The following DST variants were observed in gnomAD, a reference collection of about 807,000 sequenced individuals.
DST encodes dystonin.
In DST, 253 loss-of-function variants were observed where a neutral mutation model predicts 875.2. That is an observed-to-expected ratio of 0.29 (90% CI 0.26 to 0.32). DST has a LOEUF of 0.32. Among genes scored for constraint, DST ranks in the 10% least tolerant of loss-of-function variants. The pLI, the probability that DST is intolerant of heterozygous loss-of-function variation, is 1.00. For synonymous variants in DST, 3,124 were observed against 3,197.1 expected (o/e 0.98, Z 0.77); for missense variants, 8,287 against 9,111.6 (o/e 0.91, Z 3.68).
intron 24 of DST, among the ~76,000 whole-genome samples, chr6:56,635,295 G>T (rs1249359253): frequency 1.3e-5 from 2 of 152,012 alleles, no homozygotes; most frequent in East Asian, 1.9e-4. Flanking sequence ...CTAAAACAGT[G>T]CCCAGGATAT....
At chr6:56,813,643 C>T (rs182124275) in intron 4 of DST, among the ~76,000 whole-genome samples, 6 of 152,198 alleles carry the variant, frequency 3.9e-5, no homozygotes, top group East Asian at 3.9e-4. Context: ...ATTTGAGATA[C>T]GCTTTTCAGA....
intron 10 of DST, among the ~76,000 whole-genome samples, chr6:56,666,583 T>C (rs2099073408): frequency 6.6e-6 from 1 of 152,110 alleles, no homozygotes; most frequent in African/African-American, 2.4e-5. Flanking sequence ...ATAATTTTTA[T>C]TGACAAAGCC....
intron 36 of DST, chr6:56,619,673 T>C: frequency 1.9e-6 from 3 of 1,613,956 alleles, no homozygotes; most frequent in Non-Finnish European, 8.5e-7. Context: ...TTGCATGGCT[T>C]CTTCAGCTTT....
chr6:56,765,644 T>G (rs561636292), intron 4 of DST, among the ~76,000 whole-genome samples: 1 of 152,166 alleles, frequency 6.6e-6, no homozygotes, highest in South Asian at 2.1e-4. Flanking sequence ...AGAACAGAGA[T>G]GTTAAGATGA....
At chr6:56,635,810 CAT>C (rs1227317058) in intron 23 of DST, 96 bp from the exon 24 acceptor site, 3 of 1,298,624 alleles carry the variant, frequency 2.3e-6, no homozygotes, top group African/African-American at 2.9e-5. Context: ...GTGTACCCCT[CAT>C]AAGTGAGAAG....
intron 50 of DST, among the ~76,000 whole-genome samples, chr6:56,575,460 G>A (rs2097850423): frequency 6.6e-6 from 1 of 152,056 alleles, no homozygotes; most frequent in Non-Finnish European, 1.5e-5. Flanking sequence ...TTCTTAATTG[G>A]GCAACTGCAT....
chr6:56,554,210 G>A (rs1442572360), intron 60 of DST, among the ~76,000 whole-genome samples: 1 of 148,584 alleles, frequency 6.7e-6, no homozygotes, highest in Non-Finnish European at 1.5e-5. Flanking sequence ...TCAGCCTCCT[G>A]AGTAGCTGGG....
chr6:56,630,215 T>C, intron 31 of DST, 30 bp downstream of exon 31: 1 of 1,487,548 alleles, frequency 6.7e-7, no homozygotes, highest in Non-Finnish European at 9.3e-7. Flanking sequence ...GAATACGATA[T>C]TTAAAAATAT....
At chr6:56,746,688 A>G (rs762706396) in intron 4 of DST, among the ~76,000 whole-genome samples, 1 of 152,198 alleles carries the variant, frequency 6.6e-6, no homozygotes, top group Non-Finnish European at 1.5e-5. Context: ...CTCATTCTAC[A>G]TATTTCCAGA....
intron 4 of DST, among the ~76,000 whole-genome samples, chr6:56,789,119 A>G (rs1055990370): frequency 2.0e-5 from 3 of 152,212 alleles, no homozygotes; most frequent in Non-Finnish European, 2.9e-5. Flanking sequence ...CCAAGAATGG[A>G]GGATCCCTTG....
At chr6:56,849,383 C>T (rs565097218) in intron 4 of DST, among the ~76,000 whole-genome samples, 4 of 152,242 alleles carry the variant, frequency 2.6e-5, no homozygotes, top group South Asian at 2.1e-4. Context: ...GATCCGCCCA[C>T]GGGGGCCTCC....
rs758552410 is a variant in DST, at chr6:56,797,885, C to T, written c.625+53512G>A. ...TGATAAGAAACAGCCTTACTGCTGA[C>T]GTGGAGAAAGTTTCAGTGATCTAGA... is the stretch of plus-strand genomic sequence containing the variant. On this transcript the variant is annotated intron_variant, in intron 4 of 103. Transcript: ENST00000680361. Among the ~76,000 whole-genome samples, 5 of 148,210 alleles carry T rather than the reference C, an allele frequency of 3.4e-5. No homozygotes were observed. The South Asian group carries it at 6.3e-4, about 19-fold the overall frequency.
chr6:56,825,224 T>C (rs1385264426), intron 4 of DST, among the ~76,000 whole-genome samples: 3 of 149,346 alleles, frequency 2.0e-5, no homozygotes, highest in African/African-American at 7.4e-5. Flanking sequence ...CTCTGAAACA[T>C]GTGCTGTGTC....
chr6:56,610,485 T>C lies in DST; in HGVS notation c.5225A>G (p.Glu1742Gly). 2 of 1,569,392 alleles carry C rather than the reference T, an allele frequency of 1.3e-6. No individual in the cohort carries two copies. The change falls in exon 39 of 104, where the codon GAA becomes GGA. Residue 1742 changes from glutamate to glycine, a missense_variant. By Grantham distance (98) the Glu-to-Gly change is moderately conservative. Coordinates refer to ENST00000680361, the MANE Select transcript of DST (RefSeq NM_001374736.1). The part of the protein sequence containing the change: ...LQESYNLLFS[E>G]SLKQLQESQT... ...TGATTCTTGTAGCTGTTTCAGAGAT[T>C]CACTGAATAATAAATTATAACTTTC...
At chr6:56,702,116 T>G (rs541312831) in intron 7 of DST, among the ~76,000 whole-genome samples, 151 bp from the exon 8 acceptor site, 1 of 152,302 alleles carries the variant, frequency 6.6e-6, no homozygotes, top group South Asian at 2.1e-4. Context: ...TTCAATTTCT[T>G]TATATTGTCT....
Position 56,690,411 on chromosome 6 carries a change from G to A in DST, c.1047+9242C>T, listed in dbSNP as rs545877970. Among the ~76,000 whole-genome samples, 7 of 152,212 alleles carry A rather than the reference G, an allele frequency of 4.6e-5. No individual in the cohort carries two copies. In the South Asian group the frequency reaches 1.5e-3, roughly 32 times the overall value. On this transcript the variant is annotated intron_variant, in intron 9 of 103. Transcript: ENST00000680361. ...CATTTATATGCAGCAGGAAGGGCTG[G>A]ATGAATGGCCTCCACAGAGCCCCCT... is the stretch of plus-strand genomic sequence containing the variant.
At chr6:56,623,994 AAAC>A (rs1250685180) in intron 36 of DST, among the ~76,000 whole-genome samples, 1 of 152,032 alleles carries the variant, frequency 6.6e-6, no homozygotes, top group East Asian at 1.9e-4. Flanking sequence ...TGCAAAAAAA[AAAC>A]AACAAAAAAC....
At chr6:56,487,296 A>C in intron 86 of DST, 23 bp from the exon 87 acceptor site, 1 of 1,524,074 alleles carries the variant, frequency 6.6e-7, no homozygotes, top group Non-Finnish European at 8.8e-7. Context: ...CAAGAAAAAA[A>C]TGCGAATTTC....
In DST at chr6:56,763,166, T is replaced by G. The variant is rs185834593; in HGVS notation, c.626-27877A>C. On this transcript the variant is annotated intron_variant, in intron 4 of 103. Coordinates refer to ENST00000680361, the MANE Select transcript of DST (RefSeq NM_001374736.1). Reference sequence around the variant, plus strand: ...CACCCAGCCGAGAACATTACCTTTATAGAAAGCATTTTCTCCTTGTTTACC... The same window carrying G: ...CACCCAGCCGAGAACATTACCTTTAGAGAAAGCATTTTCTCCTTGTTTACC... Among the ~76,000 whole-genome samples the G allele has an allele frequency of 4.8e-3, 724 of 152,238 alleles. 5 individuals carry two copies. Among genetic ancestry groups the G allele is most frequent in the Non-Finnish European group, 7.8e-3 (529 of 67,998 alleles).
Sources: allele counts gnomAD v4.1 joint callset (sites outside exome capture counted in the v4.1 genomes callset), GRCh38; gene constraint gnomAD v4.1.1; transcripts MANE v1.5; gene names NCBI Gene and HGNC (gene_info 2026-07-23, HGNC 2026-07-21).